Variants in TRPM1 observed in about 807,000 individuals in gnomAD.
TRPM1 encodes the protein transient receptor potential cation channel subfamily M member 1.
In TRPM1, 113 loss-of-function variants were observed where a neutral mutation model predicts 149.4. The ratio of observed to expected loss-of-function variants is 0.76; its 90% confidence interval spans 0.65 to 0.88. TRPM1 has a LOEUF of 0.88. Ranked by LOEUF, TRPM1 falls within the 40% of genes least tolerant of loss-of-function variation. The probability of loss-of-function intolerance (pLI) is 0.00; values close to 1 mark genes in which losing one functional copy is unlikely to be tolerated. For missense variants in TRPM1, 1,976 were observed against 2,038.7 expected (o/e 0.97, Z 0.59); for synonymous variants, 741 against 759.5 (o/e 0.98, Z 0.40).
At chr15:31,096,988 G>A (rs978135897) in intron 1 of TRPM1, among the ~76,000 whole-genome samples, 19 of 152,220 alleles carry the variant, frequency 1.2e-4, no homozygotes, top group African/African-American at 3.6e-4. Flanking sequence ...TCAGCGTGAC[G>A]GTGGAGGCTG....
At chr15:31,119,195 C>T (rs996995511) in intron 1 of TRPM1, among the ~76,000 whole-genome samples, 10 of 151,862 alleles carry the variant, frequency 6.6e-5, no homozygotes, top group South Asian at 4.1e-4. Context: ...GAGCCAAAAT[C>T]GCACCATCGC....
At chr15:31,027,280 C>G (rs2032816961) in intron 25 of TRPM1, among the ~76,000 whole-genome samples, 163 bp from the exon 26 acceptor site, 1 of 152,162 alleles carries the variant, frequency 6.6e-6, no homozygotes, top group South Asian at 2.1e-4. Flanking sequence ...GTTTATCCAT[C>G]AATGTGGATT....
At chr15:31,123,276 C>T (rs79913964) in intron 1 of TRPM1, among the ~76,000 whole-genome samples, 5,085 of 152,060 alleles carry the variant, frequency 0.033, 270 homozygotes, top group African/African-American at 0.12. Context: ...TAGAGTTTGG[C>T]GATGACTTTT....
In TRPM1 at chr15:31,042,251, G is replaced by A. The variant is rs183856964; in HGVS notation, c.1795-8C>T. The A allele has an allele frequency of 3.2e-6, 5 of 1,560,810 alleles. No homozygotes were observed. Among genetic ancestry groups the A allele is most frequent in the African/African-American group, 1.4e-5 (1 of 73,322 alleles). On this transcript the variant is annotated splice_region_variant and splice_polypyrimidine_tract_variant and intron_variant, in intron 16 of 27. Coordinates refer to ENST00000256552, the MANE Select transcript of TRPM1 (RefSeq NM_001252024.2). ...AGCTGGAGGCTCATCATCCTGAGGGGAGAAACATGGATTTCATGGTTTTGC... is the reference window on the plus strand; with the variant it reads ...AGCTGGAGGCTCATCATCCTGAGGGAAGAAACATGGATTTCATGGTTTTGC...
In TRPM1 at chr15:31,038,027, T is replaced by G. The variant is rs181153432; in HGVS notation, c.2439+17A>C. Reference sequence around the variant, plus strand: ...CAAGATTACACTGATATGCTTAGGGTCAAGTGTGTCACTGACCGTATTTTC... The same window carrying G: ...CAAGATTACACTGATATGCTTAGGGGCAAGTGTGTCACTGACCGTATTTTC... On this transcript the variant is annotated intron_variant, in intron 19 of 27. Transcript: ENST00000256552. The G allele has an allele frequency of 2.1e-5, 34 of 1,614,082 alleles. 2 individuals are homozygous for G. In the Middle Eastern group the frequency reaches 6.6e-4, roughly 31 times the overall value.
At chr15:31,159,669 C>A (rs940815836) in intron 1 of TRPM1, among the ~76,000 whole-genome samples, 1 of 152,040 alleles carries the variant, frequency 6.6e-6, no homozygotes. Flanking sequence ...TTTTAAAGAG[C>A]CTTTTATTTT....
At chr15:31,093,747 A>G (rs891492958) in intron 1 of TRPM1, among the ~76,000 whole-genome samples, 4 of 152,046 alleles carry the variant, frequency 2.6e-5, no homozygotes, top group Non-Finnish European at 4.4e-5. Context: ...GACTACAGAC[A>G]TGTGCCACTA....
At chr15:31,145,461 T>A (rs1282069310) in intron 1 of TRPM1, among the ~76,000 whole-genome samples, 3 of 152,242 alleles carry the variant, frequency 2.0e-5, no homozygotes, top group Admixed American at 6.5e-5. Context: ...ATGTTGAACC[T>A]GTCATATCAA....
chr15:31,010,088 C>T (rs2032129444), intron 27 of TRPM1, among the ~76,000 whole-genome samples: 1 of 152,152 alleles, frequency 6.6e-6, no homozygotes, highest in Admixed American at 6.5e-5. Flanking sequence ...CTGCATACTC[C>T]AAATGATTTT....
intron 1 of TRPM1, among the ~76,000 whole-genome samples, chr15:31,090,085 C>G (rs1055360509): frequency 6.6e-6 from 1 of 152,010 alleles, no homozygotes; most frequent in Non-Finnish European, 1.5e-5. Flanking sequence ...TCTTTTTTTC[C>G]TCTGCAACCC....
chr15:31,156,213 A>AAAAG (rs2036375210), intron 1 of TRPM1, among the ~76,000 whole-genome samples: 1 of 151,130 alleles, frequency 6.6e-6, no homozygotes, highest in African/African-American at 2.4e-5. Context: ...AAAAAAAAAA[A>AAAAG]AAAAAAAAGG....
At chr15:31,155,490 C>T (rs1166575784) in intron 1 of TRPM1, among the ~76,000 whole-genome samples, 2 of 152,240 alleles carry the variant, frequency 1.3e-5, no homozygotes, top group East Asian at 3.8e-4. Context: ...TCCTCAGCTT[C>T]ACCCTCACTC....
intron 1 of TRPM1, among the ~76,000 whole-genome samples, chr15:31,084,418 G>A (rs1163652911): frequency 6.6e-6 from 1 of 152,060 alleles, no homozygotes; most frequent in Non-Finnish European, 1.5e-5. Flanking sequence ...TGTCTCTATG[G>A]ATTTGCCTAT....
At chr15:31,146,564 C>T (rs1212116151) in intron 1 of TRPM1, among the ~76,000 whole-genome samples, 1 of 152,220 alleles carries the variant, frequency 6.6e-6, no homozygotes, top group Admixed American at 6.5e-5. Context: ...TTTCAGTCTT[C>T]AGTCAGCATG....
At chr15:31,005,898 T>C (rs2031971077) in intron 27 of TRPM1, among the ~76,000 whole-genome samples, 1 of 152,182 alleles carries the variant, frequency 6.6e-6, no homozygotes, top group South Asian at 2.1e-4. Context: ...AAAGGCTATC[T>C]AGGAATCAAT....
At chr15:31,089,053 T>G (rs142037026) in intron 1 of TRPM1, among the ~76,000 whole-genome samples, 8 of 152,120 alleles carry the variant, frequency 5.3e-5, no homozygotes, top group African/African-American at 1.7e-4. Flanking sequence ...AATCCAGTAA[T>G]TAGGATAAGT....
chr15:31,060,717 G>T lies in TRPM1; in HGVS notation c.1163-73C>A, dbSNP rs1057392515. 4 of 1,207,446 alleles carry T rather than the reference G, an allele frequency of 3.3e-6. No homozygotes were observed. The African/African-American group carries it at 6.0e-5, about 18-fold the overall frequency. 74.8% of individuals were successfully genotyped at this position (1,207,446 alleles called of 1,614,324 possible). Reference sequence around the variant, plus strand: ...GCCAGGGTTTGGCAGGTGCTGGGTGGTGAGCACAGGCTTCCCTTGGGCTGC... The same window carrying T: ...GCCAGGGTTTGGCAGGTGCTGGGTGTTGAGCACAGGCTTCCCTTGGGCTGC... On this transcript the variant is annotated intron_variant, in intron 10 of 27. Coordinates refer to ENST00000256552, the MANE Select transcript of TRPM1 (RefSeq NM_001252024.2).
At chr15:31,088,662 T>G (rs886473040) in intron 1 of TRPM1, among the ~76,000 whole-genome samples, 1 of 152,160 alleles carries the variant, frequency 6.6e-6, no homozygotes, top group Non-Finnish European at 1.5e-5. Flanking sequence ...ACTCACGGAC[T>G]AGGATGGGCA....
rs2140963744 is a variant in TRPM1, at chr15:31,067,922, A to G, written c.450T>C (p.Ala150=). The G allele has an allele frequency of 6.2e-7, 1 of 1,613,888 alleles. No homozygotes were observed. The highest frequency in any genetic ancestry group is 1.1e-5 in the South Asian group (1 of 91,054). The change falls in exon 5 of 28, where the codon GCT becomes GCC. Residue 150 remains alanine, a synonymous_variant. Coordinates refer to ENST00000256552, the MANE Select transcript of TRPM1 (RefSeq NM_001252024.2). ...TGAAGATCCAGGCCCCGGTGGTCAT[A>G]GCAGCCTTGATCAGGCCTTTCCCAA... is the stretch of plus-strand genomic sequence containing the variant. ...QVFGKGLIKA[A]MTTGAWIFTG...
Sources: gnomAD v4.1 joint callset for allele counts (sites outside exome capture counted in the v4.1 genomes callset) on GRCh38, gnomAD v4.1.1 for gene constraint, MANE v1.5 for transcripts, NCBI Gene and HGNC (gene_info 2026-07-23, HGNC 2026-07-21) for gene names.